ARHGAP25: variants seen among roughly 807,000 people sequenced by gnomAD.
ARHGAP25 encodes Rho GTPase activating protein 25.
A neutral mutation model predicts 71.0 loss-of-function variants in ARHGAP25; 34 were observed. That is an observed-to-expected ratio of 0.48 (90% confidence interval 0.36 to 0.64). ARHGAP25 has a LOEUF of 0.64. Ranked by LOEUF, ARHGAP25 falls within the 30% of genes least tolerant of loss-of-function variation. The probability of loss-of-function intolerance (pLI) is 0.00; values close to 1 mark genes in which losing one functional copy is unlikely to be tolerated. For missense variants in ARHGAP25, 706 were observed against 805.1 expected, an observed-to-expected ratio of 0.88 and a Z score of 1.49; for synonymous variants, 282 against 296.5, an observed-to-expected ratio of 0.95 and a Z score of 0.50.
At chr2:68,804,664 A>C (rs1000122372) in intron 4 of ARHGAP25, among the ~76,000 whole-genome samples, 1 of 152,234 alleles carries the variant, frequency 6.6e-6, no homozygotes, top group East Asian at 1.9e-4. Flanking sequence ...TGTACAACCC[A>C]TTCCATGGAA....
At chr2:68,774,653 G>A (rs562995615) in intron 1 of ARHGAP25, 5 of 779,572 alleles carry the variant, frequency 6.4e-6, no homozygotes, top group Non-Finnish European at 7.9e-6. Context: ...GGGGGCTGGG[G>A]TTTGAGTGGG....
chr2:68,781,820 G>T (rs1003706375), intron 2 of ARHGAP25, among the ~76,000 whole-genome samples: 1 of 151,594 alleles, frequency 6.6e-6, no homozygotes, highest in Non-Finnish European at 1.5e-5. Context: ...CCCTCCAATG[G>T]TCACCTGAGT....
chr2:68,788,031 A>C, intron 4 of ARHGAP25, 75 bp downstream of exon 4: 6 of 1,164,526 alleles, frequency 5.2e-6, no homozygotes, highest in Non-Finnish European at 7.7e-6. Flanking sequence ...CCAATGTGAT[A>C]GCTCCTTGAG....
chr2:68,787,966 C>A lies in ARHGAP25; in HGVS notation c.466+10C>A. 6.2e-7 allele frequency: 1 copy of A among 1,607,970 alleles called. No individual in the cohort carries two copies. The highest frequency in any genetic ancestry group is 1.1e-5 in the South Asian group (1 of 90,966). On this transcript the variant is annotated intron_variant, in intron 4 of 10. Transcript: ENST00000409202. Reference sequence around the variant, plus strand: ...GGCACACCCTGTGGAGGTAAGGACCCCTGCAGGCTTTCCTGGGCAGGTGCC... The same window carrying A: ...GGCACACCCTGTGGAGGTAAGGACCACTGCAGGCTTTCCTGGGCAGGTGCC...
intron 2 of ARHGAP25, among the ~76,000 whole-genome samples, chr2:68,729,240 G>T (rs1674952180): frequency 6.6e-6 from 1 of 152,182 alleles, no homozygotes; most frequent in African/African-American, 2.4e-5. Context: ...TGGGTGAATT[G>T]CATGGTATGT....
chr2:68,816,202 C>T, intron 6 of ARHGAP25, 87 bp from the exon 7 acceptor site: 6 of 1,094,562 alleles, frequency 5.5e-6, no homozygotes, highest in East Asian at 2.4e-5. Flanking sequence ...TGCACAGATA[C>T]ACCAATTCTG....
chr2:68,825,864 T>A, intron 10 of ARHGAP25, 123 bp from the exon 11 acceptor site: 2 of 770,426 alleles, frequency 2.6e-6, no homozygotes, highest in South Asian at 3.7e-5. Flanking sequence ...GGGACATAGC[T>A]GAGAGGTTGG....
At position 68,758,012 on chromosome 2, in the gene ARHGAP25, AAAGTT is replaced by A. The variant is rs368150153; in HGVS notation, c.62-17203_62-17199del. On this transcript the variant is annotated intron_variant, in intron 1 of 10. Coordinates refer to ENST00000409202, the MANE Select transcript of ARHGAP25 (RefSeq NM_001007231.3). ...AGGAGCAGAGTATTTGTATGTTATT[AAAGTT>A]AAGTTCATATAAATTTAAATTAGAA... 1.2e-3 allele frequency among the ~76,000 whole-genome samples: 184 copies of A among 152,212 alleles called. 1 individual carries two copies. The highest frequency in any genetic ancestry group is 4.2e-3 in the African/African-American group (173 of 41,578).
intron 2 of ARHGAP25, among the ~76,000 whole-genome samples, chr2:68,725,985 A>G (rs114841573): frequency 0.025 from 3,784 of 152,166 alleles, 153 homozygotes; most frequent in African/African-American, 0.085. Context: ...CAACTATTTA[A>G]AAATGCAATC....
At chr2:68,792,069 C>G (rs933009832) in intron 4 of ARHGAP25, among the ~76,000 whole-genome samples, 1 of 152,196 alleles carries the variant, frequency 6.6e-6, no homozygotes, top group Admixed American at 6.5e-5. Flanking sequence ...CCTGTCCCGT[C>G]TCCAGGGAGC....
At chr2:68,763,044 A>G (rs1046327293) in intron 1 of ARHGAP25, among the ~76,000 whole-genome samples, 1 of 152,264 alleles carries the variant, frequency 6.6e-6, no homozygotes, top group South Asian at 2.1e-4. Flanking sequence ...TGTAGCCCAA[A>G]GTTGATAGAA....
At chr2:68,775,529 A>G in intron 2 of ARHGAP25, 109 bp downstream of exon 2, 1 of 1,522,482 alleles carries the variant, frequency 6.6e-7, no homozygotes, top group South Asian at 1.1e-5. Flanking sequence ...GACCAGACAC[A>G]CCCATTGGAA....
intron 2 of ARHGAP25, among the ~76,000 whole-genome samples, chr2:68,719,163 C>T (rs182970673): frequency 6.6e-5 from 10 of 152,176 alleles, no homozygotes; most frequent in Non-Finnish European, 1.0e-4. Flanking sequence ...AAATGGCAAA[C>T]ACAATAAGTG....
rs575457145 is a variant in ARHGAP25 at position 68,769,006 on chromosome 2, C to T, written c.62-6215C>T. ...TGAATGAATGAATGGGGAAGGCTACCTTACCAGAGCCACTCAAACCCCAGA... is the reference window on the plus strand; with the variant it reads ...TGAATGAATGAATGGGGAAGGCTACTTTACCAGAGCCACTCAAACCCCAGA... On this transcript the variant is annotated intron_variant, in intron 1 of 10. Transcript: ENST00000409202. Among the ~76,000 whole-genome samples, 5 of 152,270 alleles carry T rather than the reference C, an allele frequency of 3.3e-5. No individual in the cohort carries two copies. In the South Asian group the frequency reaches 1.0e-3, roughly 32 times the overall value.
chr2:68,725,228 G>A (rs1208285182), intron 2 of ARHGAP25, among the ~76,000 whole-genome samples: 3 of 152,138 alleles, frequency 2.0e-5, no homozygotes, highest in African/African-American at 7.2e-5. Context: ...CTAGACCATT[G>A]CAGTCAGCTC....
intron 1 of ARHGAP25, among the ~76,000 whole-genome samples, chr2:68,760,500 G>A (rs1676737274): frequency 6.6e-6 from 1 of 151,952 alleles, no homozygotes; most frequent in Non-Finnish European, 1.5e-5. Context: ...AGGATACAAA[G>A]TCAAAGCTCA....
Position 68,761,451 on chromosome 2 carries a change from C to T in ARHGAP25, c.62-13770C>T, listed in dbSNP as rs1256930699. ...TACTACCAACAGAGTAAAAAATCAACAGAATAGGGGAAAATATTTGCAAAT... is the reference window on the plus strand; with the variant it reads ...TACTACCAACAGAGTAAAAAATCAATAGAATAGGGGAAAATATTTGCAAAT... On this transcript the variant is annotated intron_variant, in intron 1 of 10. Coordinates refer to ENST00000409202, the MANE Select transcript of ARHGAP25 (RefSeq NM_001007231.3). Among the ~76,000 whole-genome samples the T allele has an allele frequency of 2.6e-5, 4 of 151,816 alleles. No homozygotes were observed. The East Asian group carries it at 7.8e-4, about 29-fold the overall frequency.
chr2:68,715,185 T>C (rs1190548885), intron 2 of ARHGAP25, among the ~76,000 whole-genome samples: 1 of 152,188 alleles, frequency 6.6e-6, no homozygotes, highest in Non-Finnish European at 1.5e-5. Context: ...CTTCCTCAAA[T>C]CCAGTGGTTC....
At chr2:68,782,030 A>C (rs752475353) in intron 2 of ARHGAP25, among the ~76,000 whole-genome samples, 5 of 152,098 alleles carry the variant, frequency 3.3e-5, no homozygotes, top group Non-Finnish European at 7.4e-5. Context: ...TGGGCACCTG[A>C]TTTGCTCTGG....
Sources: allele counts gnomAD v4.1 joint callset (sites outside exome capture counted in the v4.1 genomes callset), GRCh38; gene constraint gnomAD v4.1.1; transcripts MANE v1.5; gene names NCBI Gene and HGNC (gene_info 2026-07-23, HGNC 2026-07-21).